Variants in RALYL observed in about 807,000 individuals in gnomAD.
RALYL encodes RNA-binding Raly-like protein.
RALYL carries 29 observed loss-of-function variants against 35.1 expected under a neutral mutation model. The ratio of observed to expected loss-of-function variants is 0.83; its 90% confidence interval spans 0.61 to 1.13. RALYL has a LOEUF of 1.13. RALYL is among the 50% of genes most tolerant of loss of function. The pLI is 0.00. For synonymous variants in RALYL, 120 were observed against 127.6 expected (o/e 0.94, Z 0.40); for missense variants, 359 against 360.4 (o/e 1.00, Z 0.03).
chr8:84,460,723 A>G (rs1038748826), intron 1 of RALYL, among the ~76,000 whole-genome samples: 9 of 151,718 alleles, frequency 5.9e-5, no homozygotes, highest in African/African-American at 2.2e-4. Context: ...GTGGAAAAAG[A>G]ACTTTCGTGG....
intron 1 of RALYL, among the ~76,000 whole-genome samples, chr8:84,477,895 A>G (rs539591084): frequency 2.0e-5 from 3 of 152,148 alleles, no homozygotes; most frequent in African/African-American, 7.2e-5. Context: ...CAAACCATGC[A>G]AGTGTAAGAA....
chr8:84,339,779 C>T (rs1376263111), intron 1 of RALYL, among the ~76,000 whole-genome samples: 1 of 151,986 alleles, frequency 6.6e-6, no homozygotes, highest in Non-Finnish European at 1.5e-5. Flanking sequence ...TGAAATCGAC[C>T]TATGCCTCTT....
chr8:84,496,969 A>G (rs971388167), intron 1 of RALYL, among the ~76,000 whole-genome samples: 5 of 152,302 alleles, frequency 3.3e-5, no homozygotes, highest in African/African-American at 9.6e-5. Context: ...AGCTAAACAT[A>G]TGAAGAATAA....
chr8:84,748,097 G>C (rs1316052571), intron 2 of RALYL, among the ~76,000 whole-genome samples: 1 of 151,816 alleles, frequency 6.6e-6, no homozygotes, highest in Non-Finnish European at 1.5e-5. Flanking sequence ...GAATTCTTAG[G>C]TTGCAGGTAT....
chr8:84,345,195 C>T (rs77356212), intron 1 of RALYL, among the ~76,000 whole-genome samples: 5 of 150,974 alleles, frequency 3.3e-5, no homozygotes, highest in South Asian at 2.1e-4. Flanking sequence ...CCTTTCTTTA[C>T]ATTGTTACAC....
At chr8:84,748,381 G>A (rs1308850022) in intron 2 of RALYL, among the ~76,000 whole-genome samples, 1 of 152,014 alleles carries the variant, frequency 6.6e-6, no homozygotes, top group African/African-American at 2.4e-5. Flanking sequence ...AGATAGGAGA[G>A]TAGCAGCTCA....
In RALYL at chr8:84,563,428, G is replaced by A. The variant is rs551788988; in HGVS notation, c.256+33851G>A. On this transcript the variant is annotated intron_variant, in intron 2 of 8. Coordinates refer to ENST00000521268, the MANE Select transcript of RALYL (RefSeq NM_173848.7). Reference sequence around the variant, plus strand: ...CTGGAGGAGGCAGACTATTACATTGGCACTCACACTCAATTTCCTGAGAAC... The same window carrying A: ...CTGGAGGAGGCAGACTATTACATTGACACTCACACTCAATTTCCTGAGAAC... Among the ~76,000 whole-genome samples the A allele has an allele frequency of 2.0e-5, 3 of 151,912 alleles. No homozygotes were observed. In the South Asian group the frequency reaches 6.2e-4, roughly 32 times the overall value.
intron 2 of RALYL, among the ~76,000 whole-genome samples, chr8:84,725,307 G>A (rs1276687530): frequency 6.6e-6 from 1 of 151,618 alleles, no homozygotes; most frequent in Non-Finnish European, 1.5e-5. Flanking sequence ...ATGGATATAG[G>A]CCACACTTAT....
At chr8:84,399,503 T>C (rs940372659) in intron 1 of RALYL, among the ~76,000 whole-genome samples, 1 of 152,232 alleles carries the variant, frequency 6.6e-6, no homozygotes, top group Non-Finnish European at 1.5e-5. Context: ...TACATGCATT[T>C]ATATTTAAAC....
chr8:84,308,152 A>T (rs1479026981), intron 1 of RALYL, among the ~76,000 whole-genome samples: 1 of 151,940 alleles, frequency 6.6e-6, no homozygotes, highest in Non-Finnish European at 1.5e-5. Flanking sequence ...ACCAACAAAG[A>T]TTCTACACGG....
intron 1 of RALYL, among the ~76,000 whole-genome samples, chr8:84,309,953 G>T (rs1377216223): frequency 6.6e-6 from 1 of 152,120 alleles, no homozygotes; most frequent in Non-Finnish European, 1.5e-5. Flanking sequence ...CAGAACTCCT[G>T]ACCTCAGGTG....
intron 1 of RALYL, among the ~76,000 whole-genome samples, chr8:84,432,738 C>G (rs1473966803): frequency 6.6e-6 from 1 of 151,978 alleles, no homozygotes; most frequent in South Asian, 2.1e-4. Context: ...GAAGATGCCA[C>G]GTGATGATAG....
chr8:84,814,802 A>AG (rs869226955), intron 4 of RALYL, among the ~76,000 whole-genome samples: 4 of 152,134 alleles, frequency 2.6e-5, no homozygotes, highest in African/African-American at 9.7e-5. Context: ...AATGTCATTG[A>AG]GGGGGGAAAA....
At chr8:84,208,074 C>T (rs1435735856) in intron 1 of RALYL, among the ~76,000 whole-genome samples, 9 of 152,012 alleles carry the variant, frequency 5.9e-5, no homozygotes, top group East Asian at 1.9e-4. Context: ...TCAAAGCCAC[C>T]GTTTTTCTGT....
At chr8:84,665,723 C>A (rs967634186) in intron 2 of RALYL, 1 of 151,750 alleles carries the variant, frequency 6.6e-6, no homozygotes, top group Non-Finnish European at 1.5e-5. Context: ...AGCTAGAAGT[C>A]TATTTTATTA....
At chr8:84,496,857 A>G (rs1211566614) in intron 1 of RALYL, among the ~76,000 whole-genome samples, 2 of 152,162 alleles carry the variant, frequency 1.3e-5, no homozygotes, top group Non-Finnish European at 1.5e-5. Flanking sequence ...ATTATAATCA[A>G]TATGTGTTAG....
intron 2 of RALYL, among the ~76,000 whole-genome samples, chr8:84,535,051 TTTCTC>T (rs1190146484): frequency 2.0e-5 from 3 of 152,196 alleles, no homozygotes. Flanking sequence ...CTTTCATAGT[TTTCTC>T]TTATTAATAG....
intron 1 of RALYL, among the ~76,000 whole-genome samples, chr8:84,425,074 C>T (rs1324278591): frequency 6.6e-6 from 1 of 152,214 alleles, no homozygotes; most frequent in Admixed American, 6.5e-5. Flanking sequence ...GTGGTGGGCT[C>T]CACCCAGTTC....
At chr8:84,907,310 T>TCACACA (rs71273918) in intron 8 of RALYL, among the ~76,000 whole-genome samples, 55 of 148,148 alleles carry the variant, frequency 3.7e-4, no homozygotes, top group African/African-American at 1.2e-3. Context: ...AGATATAGCG[T>TCACACA]CACACACACA....
Sources: gnomAD v4.1 joint callset for allele counts (sites outside exome capture counted in the v4.1 genomes callset) on GRCh38, gnomAD v4.1.1 for gene constraint, MANE v1.5 for transcripts, NCBI Gene and HGNC (gene_info 2026-07-23, HGNC 2026-07-21) for gene names.